PSMD11: variants seen among roughly 807,000 people sequenced by gnomAD.
PSMD11 encodes 26S proteasome non-ATPase regulatory subunit 11.
PSMD11 carries 5 observed loss-of-function variants against 62.3 expected under a neutral mutation model. The observed-to-expected ratio is 0.08, with a 90% CI of 0.04 to 0.17. The LOEUF is 0.17. Among genes scored for constraint, PSMD11 ranks in the 10% least tolerant of loss-of-function variants. The pLI is 1.00. For synonymous variants in PSMD11, 191 were observed against 191.8 expected (o/e 1.00, Z 0.03); for missense variants, 310 against 512.9 (o/e 0.60, Z 3.82).
chr17:32,464,099 T>G lies in PSMD11; in HGVS notation c.369T>G (p.Thr123=), dbSNP rs1350203554. ...CIEWAKSEKR[T]FLRQALEARL... ...AATGGGCCAAGTCAGAGAAAAGAACTTTCTTACGCCAAGCTTTGGAGGTAG... is the reference window on the plus strand; with the variant it reads ...AATGGGCCAAGTCAGAGAAAAGAACGTTCTTACGCCAAGCTTTGGAGGTAG... Residue 123 remains threonine, a synonymous_variant, in exon 4 of 14, where the codon ACT becomes ACG. Transcript: ENST00000261712. 1 of 1,613,968 alleles carries G rather than the reference T, an allele frequency of 6.2e-7. No individual in the cohort carries two copies. The highest frequency in any genetic ancestry group is 8.5e-7 in the Non-Finnish European group (1 of 1,179,940).
chr17:32,468,239 C>T (rs1908053602), intron 5 of PSMD11, among the ~76,000 whole-genome samples: 1 of 152,046 alleles, frequency 6.6e-6, no homozygotes, highest in African/African-American at 2.4e-5. Context: ...GTATACAAGT[C>T]CCTTACCAGA....
chr17:32,447,264 G>T, intron 2 of PSMD11: 2 of 453,484 alleles, frequency 4.4e-6, no homozygotes, highest in Non-Finnish European at 7.8e-6. Context: ...TATTTTTGTT[G>T]GGATATAGTG....
At chr17:32,477,628 G>A in intron 9 of PSMD11, 45 bp downstream of exon 9, 1 of 1,490,478 alleles carries the variant, frequency 6.7e-7, no homozygotes, top group Non-Finnish European at 9.3e-7. Context: ...TGGAAGAGAG[G>A]GACGTTTAAG....
chr17:32,475,780 G>C (rs1908302766), intron 8 of PSMD11, among the ~76,000 whole-genome samples: 1 of 151,714 alleles, frequency 6.6e-6, no homozygotes, highest in African/African-American at 2.4e-5. Context: ...TTGTAGTAGA[G>C]ACAGGGTTTT....
At chr17:32,472,933 A>G (rs1181130823) in intron 6 of PSMD11, among the ~76,000 whole-genome samples, 1 of 147,514 alleles carries the variant, frequency 6.8e-6, no homozygotes, top group Admixed American at 6.8e-5. Context: ...AGGCGGGTGG[A>G]TCACTTGAGG....
At chr17:32,475,745 T>TC (rs918705664) in intron 8 of PSMD11, among the ~76,000 whole-genome samples, 2 of 151,756 alleles carry the variant, frequency 1.3e-5, no homozygotes, top group African/African-American at 4.8e-5. Context: ...ATTACAGGCA[T>TC]CCGCCACTAT....
chr17:32,445,913 T>C (rs748621262), intron 1 of PSMD11: 2 of 152,248 alleles, frequency 1.3e-5, no homozygotes, highest in Non-Finnish European at 1.5e-5. Context: ...CAGTTACTTC[T>C]ACGGAACCAG....
chr17:32,454,742 A>G (rs1326623340), intron 3 of PSMD11, 123 bp downstream of exon 3: 1 of 1,041,026 alleles, frequency 9.6e-7, no homozygotes, highest in Non-Finnish European at 1.4e-6. Context: ...CGCAGGACTT[A>G]TCATGTCAGT....
intron 2 of PSMD11, among the ~76,000 whole-genome samples, chr17:32,452,992 A>G (rs1467406867): frequency 1.3e-5 from 2 of 152,250 alleles, no homozygotes; most frequent in Non-Finnish European, 1.5e-5. Flanking sequence ...ATCTTTAAGT[A>G]TTTAAAGCCA....
chr17:32,459,528 A>G (rs1907761930), intron 3 of PSMD11, among the ~76,000 whole-genome samples: 2 of 152,096 alleles, frequency 1.3e-5, no homozygotes, highest in Admixed American at 1.3e-4. Context: ...GTGAGACACC[A>G]TGCCCAGCCA....
intron 6 of PSMD11, among the ~76,000 whole-genome samples, 162 bp from the exon 7 acceptor site, chr17:32,473,639 T>G (rs1908236783): frequency 6.6e-6 from 1 of 151,858 alleles, no homozygotes; most frequent in Admixed American, 6.6e-5. Context: ...TGTCTCGAAC[T>G]CCTGGGCTCA....
intron 1 of PSMD11, 122 bp from the exon 2 acceptor site, chr17:32,446,823 C>G: frequency 1.6e-5 from 4 of 243,124 alleles, no homozygotes; most frequent in East Asian, 1.5e-4. Flanking sequence ...TTTTTTTTAA[C>G]TCTAGAATTT....
At chr17:32,460,016 C>T (rs969374996) in intron 3 of PSMD11, among the ~76,000 whole-genome samples, 3 of 152,168 alleles carry the variant, frequency 2.0e-5, no homozygotes, top group African/African-American at 7.2e-5. Flanking sequence ...ACAAGCAAGA[C>T]ATACCATGGC....
At position 32,479,882 on chromosome 17, in the gene PSMD11, C is replaced by T; in HGVS notation, c.1070C>T (p.Ser357Phe). The T allele has an allele frequency of 1.2e-6, 2 of 1,613,626 alleles. No homozygotes were observed. Among genetic ancestry groups the T allele is most frequent in the Non-Finnish European group, 1.7e-6 (2 of 1,179,594 alleles). ...CACATATCTAGTCTCATCAAACTCT[C>T]CAAGGTAAGGAGTCTTAAGGCCATC... ...IEHISSLIKL[S>F]KADVERKLSQ... is the part of the protein sequence containing the mutation. Residue 357 changes from serine (S) to phenylalanine (F), a missense_variant, in exon 11 of 14, where the codon TCC (serine) becomes TTC (phenylalanine). Physicochemically the swap from Ser to Phe is radical, Grantham distance 155 (BLOSUM62 -2). Coordinates refer to ENST00000261712, the MANE Select transcript of PSMD11 (RefSeq NM_002815.4).
chr17:32,447,440 C>G (rs1907363410), intron 2 of PSMD11: 1 of 156,198 alleles, frequency 6.4e-6, no homozygotes, highest in South Asian at 1.9e-4. Context: ...AAGTGACTCA[C>G]TGTCATTTTT....
At chr17:32,453,380 C>T (rs1048585593) in intron 2 of PSMD11, among the ~76,000 whole-genome samples, 1 of 152,116 alleles carries the variant, frequency 6.6e-6, no homozygotes, top group Admixed American at 6.6e-5. Context: ...GGAGTATATA[C>T]TGTAGTCTTG....
intron 6 of PSMD11, 69 bp from the exon 7 acceptor site, chr17:32,473,732 C>T (rs919058769): frequency 6.5e-6 from 10 of 1,537,614 alleles, no homozygotes; most frequent in South Asian, 3.5e-5. Flanking sequence ...GTCTAAGCTG[C>T]CTCCCAGCTC....
rs1167621402 is a variant in PSMD11, at chr17:32,481,151, C to G, written c.*399C>G. The G allele has an allele frequency of 1.3e-5, 2 of 154,168 alleles. No individual in the cohort carries two copies. Among genetic ancestry groups the G allele is most frequent in the East Asian group, 3.8e-4 (2 of 5,202 alleles). 9.6% of individuals were successfully genotyped at this position (154,168 alleles called of 1,614,324 possible). A position where few individuals can be genotyped will look rare whatever the true frequency, so the allele number is the denominator to read the frequency against. On this transcript the variant is annotated 3_prime_UTR_variant, in exon 14 of 14. Coordinates refer to ENST00000261712, the MANE Select transcript of PSMD11 (RefSeq NM_002815.4). ...CTCCTCAGAATTGGGTGTTTGCTGA[C>G]CATCAAAAGCAATGACTTTTTATTC...
chr17:32,450,661 TA>T lies in PSMD11; in HGVS notation c.193+3624del, dbSNP rs1162864612. On this transcript the variant is annotated intron_variant, in intron 2 of 13. Transcript: ENST00000261712. ...GAAGTCAGTATGATTTTATGGGACT[TA>T]AAAAAAAATTAACTCAGTATGTATG... Among the ~76,000 whole-genome samples the T allele has an allele frequency of 2.7e-5, 4 of 150,884 alleles. No individual in the cohort carries two copies. The East Asian group carries it at 5.8e-4, about 22-fold the overall frequency.
Sources: allele counts gnomAD v4.1 joint callset (sites outside exome capture counted in the v4.1 genomes callset), GRCh38; gene constraint gnomAD v4.1.1; transcripts MANE v1.5; gene names NCBI Gene and HGNC (gene_info 2026-07-23, HGNC 2026-07-21).